Variants in ZMYM4 observed in about 807,000 individuals in gnomAD.
ZMYM4 encodes zinc finger MYM-type protein 4.
A neutral mutation model predicts 183.2 loss-of-function variants in ZMYM4; 31 were observed. The ratio of observed to expected loss-of-function variants is 0.17; its 90% CI spans 0.13 to 0.23. The LOEUF is 0.23. Ranked by LOEUF, ZMYM4 falls within the 10% of genes least tolerant of loss-of-function variation. The probability of loss-of-function intolerance (pLI) is 1.00; values close to 1 mark genes in which losing one functional copy is unlikely to be tolerated. For synonymous variants in ZMYM4, 592 were observed against 631.2 expected (o/e 0.94, Z 0.93); for missense variants, 1,273 against 1,840.3 (o/e 0.69, Z 5.64).
intron 1 of ZMYM4, among the ~76,000 whole-genome samples, chr1:35,284,433 T>C (rs189145196): frequency 7.2e-5 from 11 of 152,344 alleles, no homozygotes; most frequent in Non-Finnish European, 1.5e-4. Context: ...TTAATTTAGG[T>C]CTTTAATCCA....
Position 35,386,085 on chromosome 1 carries a change from C to G in ZMYM4, c.1732C>G (p.Gln578Glu), listed in dbSNP as rs1570494984. 6.2e-7 allele frequency: 1 copy of G among 1,612,366 alleles called. No individual in the cohort carries two copies. The highest frequency in any genetic ancestry group is 1.3e-5 in the African/African-American group (1 of 74,966). ...TTTGATTTGCTAAGGTGTACAAGTT[C>G]AGTGTAACAGTTGTAAAACCTCAGC... Reference protein sequence around the residue: ...KMVTSAGVQVQCNSCKTSAIP... With the variant: ...KMVTSAGVQVECNSCKTSAIP... The change falls in exon 11 of 30, where the codon CAG becomes GAG. Residue 578 changes from glutamine (Q) to glutamate (E), a missense_variant. Physicochemically the swap from Gln to Glu is conservative, Grantham distance 29. Transcript: ENST00000314607.
In ZMYM4 at chr1:35,392,223, A is replaced by G. The variant is rs755468546; in HGVS notation, c.2599A>G (p.Met867Val). Residue 867 changes from methionine to valine, a missense_variant, in exon 16 of 30, where the codon ATG (methionine) becomes GTG (valine). Transcript: ENST00000314607. ...TTTATTTTAATCAGCAAATATTTCC[A>G]TGGTTCAAGCTGCTTCAGCAGGACC... ...PSQNNAANIS[M>V]VQAASAGPPS... The G allele has an allele frequency of 1.2e-6, 2 of 1,614,108 alleles. No homozygotes were observed. The highest frequency in any genetic ancestry group is 1.7e-6 in the Non-Finnish European group (2 of 1,180,018).
intron 2 of ZMYM4, among the ~76,000 whole-genome samples, chr1:35,346,671 GAAAAAAA>G (rs1229956274): frequency 8.7e-6 from 1 of 115,434 alleles, no homozygotes; most frequent in African/African-American, 3.5e-5. Flanking sequence ...AAAAAAAAAA[GAAAAAAA>G]AAAGAGAAAG....
At chr1:35,400,185 C>A (rs1258724601) in intron 23 of ZMYM4, 1 of 140,730 alleles carries the variant, frequency 7.1e-6, no homozygotes, top group African/African-American at 2.6e-5. Flanking sequence ...ATAAAAAATA[C>A]TGAGTAGTTC....
chr1:35,407,752 G>A (rs2149030242), intron 25 of ZMYM4, among the ~76,000 whole-genome samples: 1 of 152,284 alleles, frequency 6.6e-6, no homozygotes, highest in African/African-American at 2.4e-5. Flanking sequence ...ACTCTTCCCT[G>A]TTGGATAGCC....
chr1:35,341,341 C>A (rs1051977015), intron 2 of ZMYM4, among the ~76,000 whole-genome samples: 2 of 151,918 alleles, frequency 1.3e-5, no homozygotes, highest in Admixed American at 6.6e-5. Flanking sequence ...TGGGCAGAAT[C>A]AATATTTTTA....
At position 35,359,127 on chromosome 1, in the gene ZMYM4, T is replaced by G; in HGVS notation, c.288T>G (p.Ser96Arg). Residue 96 changes from serine (S) to arginine (R), a missense_variant, in exon 3 of 30, where the codon AGT becomes AGG. By Grantham distance (110) the Ser-to-Arg change is moderately radical. Around this residue, in one of 6 missense-constraint regions of ZMYM4, gnomAD observed 384 missense variants for 465.6 expected, o/e 0.82. Coordinates refer to ENST00000314607, the MANE Select transcript of ZMYM4 (RefSeq NM_005095.3). ...ACAATGAGGATGAACAGGATTTTAG[T>G]TCAAAGGACAATCTTGTTTCTTCAA... ...GSDNEDEQDF[S>R]SKDNLVSSIH... The G allele has an allele frequency of 6.2e-7, 1 of 1,613,800 alleles. No individual in the cohort carries two copies. The highest frequency in any genetic ancestry group is 8.5e-7 in the Non-Finnish European group (1 of 1,179,754).
intron 18 of ZMYM4, among the ~76,000 whole-genome samples, chr1:35,395,289 T>C (rs1644788862): frequency 6.6e-6 from 1 of 151,994 alleles, no homozygotes; most frequent in African/African-American, 2.4e-5. Flanking sequence ...TTTTTTAATG[T>C]CCGCTGTATT....
intron 1 of ZMYM4, among the ~76,000 whole-genome samples, chr1:35,311,195 G>A (rs991723788): frequency 2.0e-5 from 3 of 151,958 alleles, no homozygotes; most frequent in East Asian, 1.9e-4. Flanking sequence ...TGAGGCAGGT[G>A]GATCACCTGA....
intron 7 of ZMYM4, among the ~76,000 whole-genome samples, chr1:35,371,311 T>G (rs1243576707): frequency 6.6e-6 from 1 of 152,034 alleles, no homozygotes; most frequent in African/African-American, 2.4e-5. Flanking sequence ...AGAGACGGGC[T>G]TTCTCTGTGT....
At chr1:35,287,830 T>G (rs1277110562) in intron 1 of ZMYM4, among the ~76,000 whole-genome samples, 1 of 152,078 alleles carries the variant, frequency 6.6e-6, no homozygotes, top group Non-Finnish European at 1.5e-5. Flanking sequence ...GGTCTCGAAC[T>G]CCTGACCTCG....
chr1:35,403,327 C>G (rs1644945172), intron 23 of ZMYM4, among the ~76,000 whole-genome samples: 1 of 152,084 alleles, frequency 6.6e-6, no homozygotes, highest in Non-Finnish European at 1.5e-5. Context: ...ACTCTGTTGC[C>G]CAGGCTCGAG....
intron 2 of ZMYM4, among the ~76,000 whole-genome samples, chr1:35,332,902 G>A (rs1031649709): frequency 6.6e-6 from 1 of 151,980 alleles, no homozygotes; most frequent in Non-Finnish European, 1.5e-5. Flanking sequence ...TGGCTATGTT[G>A]CCCATGCTGG....
At chr1:35,274,161 C>T (rs1639752551) in intron 1 of ZMYM4, among the ~76,000 whole-genome samples, 2 of 151,986 alleles carry the variant, frequency 1.3e-5, no homozygotes, top group South Asian at 4.1e-4. Flanking sequence ...ACAATATTTG[C>T]GGTTTATATG....
chr1:35,314,161 A>C (rs185654732), intron 1 of ZMYM4, among the ~76,000 whole-genome samples: 125 of 152,340 alleles, frequency 8.2e-4, no homozygotes, highest in African/African-American at 2.5e-3. Flanking sequence ...GAGGAATGCC[A>C]TGATTTTATC....
At chr1:35,318,183 C>T (rs1180547962) in intron 1 of ZMYM4, among the ~76,000 whole-genome samples, 1 of 151,508 alleles carries the variant, frequency 6.6e-6, no homozygotes, top group African/African-American at 2.4e-5. Flanking sequence ...CTCACCCTCC[C>T]GAGTAGCTGT....
intron 18 of ZMYM4, among the ~76,000 whole-genome samples, 166 bp from the exon 19 acceptor site, chr1:35,396,386 A>T (rs1298223960): frequency 6.6e-6 from 1 of 152,016 alleles, no homozygotes; most frequent in African/African-American, 2.4e-5. Flanking sequence ...CTCAAGATTT[A>T]TTTTTTTGGC....
chr1:35,388,122 A>G (rs1275167174), intron 13 of ZMYM4, among the ~76,000 whole-genome samples: 1 of 152,242 alleles, frequency 6.6e-6, no homozygotes, highest in South Asian at 2.1e-4. Flanking sequence ...AGGGCTTTCA[A>G]ACCTTTTGAT....
At chr1:35,355,370 T>C (rs1310970763) in intron 2 of ZMYM4, among the ~76,000 whole-genome samples, 1 of 152,072 alleles carries the variant, frequency 6.6e-6, no homozygotes, top group African/African-American at 2.4e-5. Flanking sequence ...TTATCAAAAC[T>C]TTTTGTCATT....
Sources: allele counts gnomAD v4.1 joint callset (sites outside exome capture counted in the v4.1 genomes callset), GRCh38; gene constraint gnomAD v4.1.1; regional missense constraint gnomAD v4.1.1; transcripts MANE v1.5; gene names NCBI Gene and HGNC (gene_info 2026-07-23, HGNC 2026-07-21).